Variants in SLC9A9 observed in about 807,000 individuals in gnomAD.
SLC9A9 encodes sodium/hydrogen exchanger 9.
In SLC9A9, 62 loss-of-function variants were observed where a neutral mutation model predicts 77.8. That is an observed-to-expected ratio of 0.80 (90% CI 0.65 to 0.98). The LOEUF (loss-of-function observed/expected upper bound fraction) is 0.98, where lower values mean the gene tolerates loss of function less well. SLC9A9 is among the 50% of genes least tolerant of loss of function. The pLI, the probability that SLC9A9 is intolerant of heterozygous loss-of-function variation, is 0.00. For missense variants in SLC9A9, 775 were observed against 774.9 expected (o/e 1.00, Z 0.00); for synonymous variants, 320 against 283.5 (o/e 1.13, Z -1.29).
At chr3:143,710,563 T>G (rs1005874982) in intron 4 of SLC9A9, among the ~76,000 whole-genome samples, 1 of 152,210 alleles carries the variant, frequency 6.6e-6, no homozygotes, top group African/African-American at 2.4e-5. Context: ...ACTTAGAAAT[T>G]ATTCAGTCCA....
rs188391494 is a variant in SLC9A9 at position 143,326,155 on chromosome 3, C to T, written c.1604+37329G>A. Among the ~76,000 whole-genome samples, 164 of 151,926 alleles carry T rather than the reference C, an allele frequency of 1.1e-3. 1 individual carries two copies. Among genetic ancestry groups the T allele is most frequent in the African/African-American group, 3.9e-3 (160 of 41,410 alleles). On this transcript the variant is annotated intron_variant, in intron 14 of 15. Transcript: ENST00000316549. Reference sequence around the variant, plus strand: ...AAGGAGATTTTGACTATTTTCAGACCCACACTAGATCTCAAGTCATCAGGA... The same window carrying T: ...AAGGAGATTTTGACTATTTTCAGACTCACACTAGATCTCAAGTCATCAGGA...
In SLC9A9 at chr3:143,307,860, C is replaced by T. The variant is rs560623524; in HGVS notation, c.1605-38880G>A. Among the ~76,000 whole-genome samples, 12 of 152,312 alleles carry T rather than the reference C, an allele frequency of 7.9e-5. No individual in the cohort carries two copies. In the East Asian group the frequency reaches 1.9e-3, roughly 25 times the overall value. On this transcript the variant is annotated intron_variant, in intron 14 of 15. Transcript: ENST00000316549. ...GAAGCCTCCAGCCCCATGCCTGTGA[C>T]TCAGCAGTAGGCTAACCAAATCAAC...
At chr3:143,453,944 C>A (rs2035049265) in intron 12 of SLC9A9, among the ~76,000 whole-genome samples, 1 of 152,086 alleles carries the variant, frequency 6.6e-6, no homozygotes, top group Admixed American at 6.6e-5. Context: ...GGAAGTTTGT[C>A]CCTCTTGCTC....
intron 14 of SLC9A9, among the ~76,000 whole-genome samples, chr3:143,280,203 C>T (rs1938175040): frequency 6.7e-6 from 1 of 149,216 alleles, no homozygotes; most frequent in Admixed American, 6.6e-5. Flanking sequence ...ACTCTATGGA[C>T]TCCTGGCCAT....
chr3:143,404,893 C>G (rs2033945324), intron 12 of SLC9A9, among the ~76,000 whole-genome samples: 1 of 152,144 alleles, frequency 6.6e-6, no homozygotes, highest in African/African-American at 2.4e-5. Context: ...AAAAGATGTC[C>G]CTGGATCAGC....
At chr3:143,441,760 G>T (rs562389090) in intron 12 of SLC9A9, among the ~76,000 whole-genome samples, 2 of 152,000 alleles carry the variant, frequency 1.3e-5, no homozygotes, top group African/African-American at 2.4e-5. Context: ...CCCCATCTCC[G>T]CCCTGTACTA....
chr3:143,737,194 C>T (rs1485242741), intron 4 of SLC9A9, among the ~76,000 whole-genome samples: 1 of 152,116 alleles, frequency 6.6e-6, no homozygotes, highest in Non-Finnish European at 1.5e-5. Context: ...ATTTTCTGCT[C>T]CAGTATTTTA....
chr3:143,285,316 G>A (rs2108411166), intron 14 of SLC9A9, among the ~76,000 whole-genome samples: 1 of 152,140 alleles, frequency 6.6e-6, no homozygotes, highest in Admixed American at 6.5e-5. Flanking sequence ...CACTATTAAT[G>A]GTGTCTGGCA....
chr3:143,692,532 G>T (rs1462748393), intron 5 of SLC9A9, among the ~76,000 whole-genome samples: 1 of 152,036 alleles, frequency 6.6e-6, no homozygotes, highest in Non-Finnish European at 1.5e-5. Context: ...ATTGCTGAAG[G>T]GCATATGCCA....
chr3:143,373,911 A>T (rs933631775), intron 13 of SLC9A9, among the ~76,000 whole-genome samples: 1 of 152,162 alleles, frequency 6.6e-6, no homozygotes. Context: ...TCAAAAAGCA[A>T]TAGTTGAATA....
intron 4 of SLC9A9, among the ~76,000 whole-genome samples, chr3:143,733,778 G>A (rs749141902): frequency 2.0e-5 from 3 of 151,840 alleles, no homozygotes; most frequent in Non-Finnish European, 4.4e-5. Flanking sequence ...ACTGTAGACA[G>A]AGGACAATGA....
chr3:143,798,836 C>T lies in SLC9A9; in HGVS notation c.379-1933G>A, dbSNP rs377196224. On this transcript the variant is annotated intron_variant, in intron 2 of 15. Transcript: ENST00000316549. ...CCAAATCTTGCTTCTTTCCCTCCCG[C>T]CTGTCCCCTCAGTTCCAACCCCAAG... Among the ~76,000 whole-genome samples the T allele has an allele frequency of 6.6e-4, 100 of 152,242 alleles. No individual in the cohort carries two copies. In the South Asian group the frequency reaches 0.013, roughly 20 times the overall value.
At chr3:143,571,022 T>C (rs1382763310) in intron 8 of SLC9A9, among the ~76,000 whole-genome samples, 2 of 152,174 alleles carry the variant, frequency 1.3e-5, no homozygotes, top group East Asian at 3.8e-4. Flanking sequence ...AATAGAATTG[T>C]ATGTGATATC....
chr3:143,757,531 T>G (rs756150226), intron 4 of SLC9A9, among the ~76,000 whole-genome samples: 1 of 152,122 alleles, frequency 6.6e-6, no homozygotes, highest in Non-Finnish European at 1.5e-5. Context: ...ACAACAAATT[T>G]TTTTACTGGG....
At chr3:143,840,471 C>T (rs1283662858) in intron 1 of SLC9A9, among the ~76,000 whole-genome samples, 2 of 152,130 alleles carry the variant, frequency 1.3e-5, no homozygotes, top group Non-Finnish European at 2.9e-5. Flanking sequence ...AGTACCTGTC[C>T]CACCCATTGT....
At chr3:143,648,170 A>C (rs1456029274) in intron 6 of SLC9A9, among the ~76,000 whole-genome samples, 3 of 152,306 alleles carry the variant, frequency 2.0e-5, no homozygotes, top group African/African-American at 7.2e-5. Context: ...TATATAGAAC[A>C]ACTATTCTCA....
rs11928481 is a variant in SLC9A9 at position 143,669,302 on chromosome 3, A to G, written c.650-16942T>C. On this transcript the variant is annotated intron_variant, in intron 5 of 15. Coordinates refer to ENST00000316549, the MANE Select transcript of SLC9A9 (RefSeq NM_173653.4). ...ATGTGTGGGCTGGACACTGACTTTC[A>G]AAACTTCCATCCTATACGTCTTTGA... Among the ~76,000 whole-genome samples, 379 of 152,318 alleles carry G rather than the reference A, an allele frequency of 2.5e-3. 1 individual carries two copies. Among genetic ancestry groups the G allele is most frequent in the African/African-American group, 8.7e-3 (361 of 41,576 alleles).
chr3:143,642,415 T>C (rs757856527), intron 6 of SLC9A9, among the ~76,000 whole-genome samples: 9 of 152,210 alleles, frequency 5.9e-5, no homozygotes, highest in Non-Finnish European at 8.8e-5. Flanking sequence ...TCCCCTCCTC[T>C]AGGTGGAGGC....
At chr3:143,805,590 C>G (rs1171833808) in intron 2 of SLC9A9, among the ~76,000 whole-genome samples, 2 of 152,106 alleles carry the variant, frequency 1.3e-5, no homozygotes, top group Admixed American at 1.3e-4. Flanking sequence ...TGGCTGGTTC[C>G]TGCCTTAACT....
Sources: allele counts gnomAD v4.1 joint callset (sites outside exome capture counted in the v4.1 genomes callset), GRCh38; gene constraint gnomAD v4.1.1; transcripts MANE v1.5; gene names NCBI Gene and HGNC (gene_info 2026-07-23, HGNC 2026-07-21).